Variants in BIN2 observed in about 807,000 individuals in gnomAD.
BIN2 encodes the protein breast cancer associated protein BRAP1.
A neutral mutation model predicts 67.9 loss-of-function variants in BIN2; 43 were observed. The observed-to-expected ratio is 0.63, with a 90% confidence interval of 0.50 to 0.82. BIN2 has a LOEUF of 0.82. Among genes scored for constraint, BIN2 ranks in the 40% least tolerant of loss-of-function variants. BIN2 has a pLI of 0.00. For missense variants in BIN2, 581 were observed against 671.6 expected (o/e 0.87, Z 1.49); for synonymous variants, 244 against 246.8 (o/e 0.99, Z 0.11).
At chr12:51,308,905 G>A (rs774572345) in intron 2 of BIN2, among the ~76,000 whole-genome samples, 1 of 152,024 alleles carries the variant, frequency 6.6e-6, no homozygotes, top group Non-Finnish European at 1.5e-5. Flanking sequence ...GATCACTTGA[G>A]GTCAGGAGTT....
In BIN2 at chr12:51,324,038, C is replaced by T. The variant is rs760020602; in HGVS notation, c.65G>A (p.Ser22Asn). The stretch of plus-strand genomic sequence containing the variant: ...GCCACCTACCTTCTCCTGGGCCCTG[C>T]TAAACTTCTTCTGCACCTGCTTGGC... ...LFAKQVQKKF[S>N]RAQEKVLQKL... The change falls in exon 1 of 13, where the codon AGC (serine) becomes AAC (asparagine). Residue 22 changes from serine (S) to asparagine (N), a missense_variant. Transcript: ENST00000615107. The T allele has an allele frequency of 6.2e-7, 1 of 1,613,638 alleles. No homozygotes were observed. The highest frequency in any genetic ancestry group is 8.5e-7 in the Non-Finnish European group (1 of 1,179,714).
Position 51,321,756 on chromosome 12 carries a change from A to C in BIN2, c.81+2266T>G, listed in dbSNP as rs143926743. Among the ~76,000 whole-genome samples, 246 of 152,364 alleles carry C rather than the reference A, an allele frequency of 1.6e-3. 1 individual carries two copies. The highest frequency in any genetic ancestry group is 5.6e-3 in the African/African-American group (233 of 41,582). On this transcript the variant is annotated intron_variant, in intron 1 of 12. Coordinates refer to ENST00000615107, the MANE Select transcript of BIN2 (RefSeq NM_016293.4). ...CCATAATAGGCGCTTGATATTTGAC[A>C]CATTTCACTATTTGACACATTAGCT...
At chr12:51,320,970 C>CACACACACACACA (rs1565693414) in intron 1 of BIN2, among the ~76,000 whole-genome samples, 3 of 151,334 alleles carry the variant, frequency 2.0e-5, no homozygotes, top group African/African-American at 7.3e-5. Flanking sequence ...CACACACACA[C>CACACACACACACA]TCTAAAGCCA....
upstream of BIN2, chr12:51,324,328 C>T: frequency 7.5e-7 from 1 of 1,330,266 alleles, no homozygotes; most frequent in Non-Finnish European, 9.9e-7. Context: ...AGGCAGCGCT[C>T]GCTCGAGGCC....
chr12:51,293,108 T>A (rs1945433815), intron 9 of BIN2, among the ~76,000 whole-genome samples: 1 of 152,074 alleles, frequency 6.6e-6, no homozygotes, highest in Non-Finnish European at 1.5e-5. Context: ...ATGAAAATGT[T>A]GTGACCAGGG....
Position 51,281,280 on chromosome 12 carries a change from C to A in BIN2, c.*219G>T. ...ATGCTAAAACCAGAATTAAATATTC[C>A]CTGAGTCTAATGTTCTCTTCTCCCC... On this transcript the variant is annotated 3_prime_UTR_variant, in exon 13 of 13. Transcript: ENST00000615107. 1 of 576,032 alleles carries A rather than the reference C, an allele frequency of 1.7e-6. No homozygotes were observed. Among genetic ancestry groups the A allele is most frequent in the Non-Finnish European group, 3.2e-6 (1 of 316,250 alleles). The allele number at this position is 576,032 out of a possible 1,614,324, so 35.7% of individuals were successfully genotyped here. A position where few individuals can be genotyped will look rare whatever the true frequency, so the allele number is the denominator to read the frequency against.
intron 2 of BIN2, among the ~76,000 whole-genome samples, chr12:51,304,981 G>A (rs7300233): frequency 1.6e-3 from 240 of 150,742 alleles, no homozygotes; most frequent in African/African-American, 5.4e-3. Context: ...TCACGCCACC[G>A]TACTCCAGGC....
intron 4 of BIN2, 80 bp downstream of exon 4, chr12:51,302,606 T>C (rs1211006497): frequency 8.2e-7 from 1 of 1,214,518 alleles, no homozygotes; most frequent in African/African-American, 1.5e-5. Context: ...TCCTATTTTC[T>C]TGGATAGAGA....
In BIN2 at chr12:51,291,713, C is replaced by A; in HGVS notation, c.1393G>T (p.Val465Phe). The A allele has an allele frequency of 6.2e-7, 1 of 1,613,728 alleles. No homozygotes were observed. The highest frequency in any genetic ancestry group is 8.5e-7 in the Non-Finnish European group (1 of 1,179,784). ...GTASPRTSLE[V>F]SPNPEPPEKP... The stretch of plus-strand genomic sequence containing the variant: ...TCTGGTGGTTCTGGATTAGGAGAGA[C>A]CTCTAGGGAGGTCCTAGGACTTGCA... Residue 465 changes from valine (V) to phenylalanine (F), a missense_variant, in exon 10 of 13, where the codon GTC (valine) becomes TTC (phenylalanine). Transcript: ENST00000615107.
intron 8 of BIN2, 28 bp from the exon 9 acceptor site, chr12:51,295,906 C>T: frequency 6.3e-7 from 1 of 1,595,746 alleles, no homozygotes; most frequent in Non-Finnish European, 8.6e-7. Context: ...GAAGGGGATG[C>T]TAGCCAACTG....
chr12:51,290,273 C>T (rs1237313176), intron 10 of BIN2, among the ~76,000 whole-genome samples: 2 of 151,644 alleles, frequency 1.3e-5, no homozygotes, highest in African/African-American at 4.8e-5. Flanking sequence ...AGACTACAGA[C>T]ACCACCATGC....
chr12:51,320,631 ATTCTT>A (rs1374744153), intron 1 of BIN2, among the ~76,000 whole-genome samples: 13 of 144,298 alleles, frequency 9.0e-5, no homozygotes, highest in African/African-American at 3.1e-4. Flanking sequence ...TATTATCATT[ATTCTT>A]TTTTTTTTTT....
chr12:51,321,618 C>T (rs1022465974), intron 1 of BIN2, among the ~76,000 whole-genome samples: 5 of 152,248 alleles, frequency 3.3e-5, no homozygotes, highest in South Asian at 2.1e-4. Context: ...AGGCTGGTCT[C>T]GAACTCCCGA....
intron 3 of BIN2, 127 bp from the exon 4 acceptor site, chr12:51,302,907 G>T: frequency 8.8e-7 from 1 of 1,129,960 alleles, no homozygotes; most frequent in Non-Finnish European, 1.3e-6. Flanking sequence ...ATATAAGTGA[G>T]GAAAGCTGGA....
At chr12:51,287,337 T>G (rs960414311) in intron 11 of BIN2, among the ~76,000 whole-genome samples, 1 of 150,120 alleles carries the variant, frequency 6.7e-6, no homozygotes, top group African/African-American at 2.5e-5. Flanking sequence ...TGTTTTTTTT[T>G]GTTTTTTTTT....
At chr12:51,304,792 G>A (rs1446613194) in intron 2 of BIN2, among the ~76,000 whole-genome samples, 4 of 152,024 alleles carry the variant, frequency 2.6e-5, no homozygotes, top group Admixed American at 6.6e-5. Context: ...CGAGGCGGGC[G>A]GATCACGAGG....
chr12:51,303,542 A>T (rs1022085997), intron 2 of BIN2, among the ~76,000 whole-genome samples: 1 of 152,036 alleles, frequency 6.6e-6, no homozygotes, highest in Admixed American at 6.6e-5. Context: ...TCACACAGAC[A>T]TTCCTCTCCT....
At chr12:51,317,842 G>A (rs1383203396) in intron 1 of BIN2, among the ~76,000 whole-genome samples, 2 of 151,948 alleles carry the variant, frequency 1.3e-5, no homozygotes, top group Admixed American at 6.6e-5. Context: ...CAAAAAATTA[G>A]CCAGGCGTGG....
At chr12:51,293,403 G>A (rs1266578125) in intron 9 of BIN2, among the ~76,000 whole-genome samples, 1 of 151,992 alleles carries the variant, frequency 6.6e-6, no homozygotes, top group East Asian at 1.9e-4. Context: ...TCTGACTCCC[G>A]GGTTCATGCC....
Sources: gnomAD v4.1 joint callset for allele counts (sites outside exome capture counted in the v4.1 genomes callset) on GRCh38, gnomAD v4.1.1 for gene constraint, MANE v1.5 for transcripts, NCBI Gene and HGNC (gene_info 2026-07-23, HGNC 2026-07-21) for gene names.